The following MALRD1 variants were observed in gnomAD, a reference collection of about 807,000 sequenced individuals.
The protein encoded by MALRD1 is MAM and LDL-receptor class A domain-containing protein 1.
Under a neutral mutation model 242.1 loss-of-function variants are expected in MALRD1, and 247 were observed. That is an observed-to-expected ratio of 1.02 (90% CI 0.92 to 1.13). The LOEUF (loss-of-function observed/expected upper bound fraction) is 1.13, where lower values mean the gene tolerates loss of function less well. MALRD1 is among the 50% of genes most tolerant of loss of function. The pLI, the probability that MALRD1 is intolerant of heterozygous loss-of-function variation, is 0.00. For missense variants in MALRD1, 2,989 were observed against 2,533.1 expected, an observed-to-expected ratio of 1.18 and a Z score of -3.86; for synonymous variants, 995 against 866.6, an observed-to-expected ratio of 1.15 and a Z score of -2.60.
chr10:19,534,117 T>G (rs1430416932), intron 32 of MALRD1, among the ~76,000 whole-genome samples: 1 of 152,140 alleles, frequency 6.6e-6, no homozygotes, highest in Non-Finnish European at 1.5e-5. Context: ...GTTTAAACCC[T>G]CAATCCCAGT....
At chr10:19,312,836 G>T (rs1427646095) in intron 21 of MALRD1, among the ~76,000 whole-genome samples, 1 of 151,494 alleles carries the variant, frequency 6.6e-6, no homozygotes, top group Non-Finnish European at 1.5e-5. Context: ...TCTGGGAAAT[G>T]CTACTGCAGG....
At chr10:19,492,925 A>G (rs997651733) in intron 30 of MALRD1, among the ~76,000 whole-genome samples, 3 of 152,282 alleles carry the variant, frequency 2.0e-5, no homozygotes, top group African/African-American at 7.2e-5. Flanking sequence ...AGGATCTTAT[A>G]CTGATGCTTC....
intron 28 of MALRD1, among the ~76,000 whole-genome samples, chr10:19,439,874 C>T (rs138166982): frequency 1.4e-3 from 213 of 152,316 alleles, no homozygotes; most frequent in Non-Finnish European, 2.6e-3. Flanking sequence ...TGGTCGTATA[C>T]ATTTTATAAT....
At chr10:19,072,431 A>G (rs977922114) in intron 2 of MALRD1, among the ~76,000 whole-genome samples, 15 of 152,174 alleles carry the variant, frequency 9.9e-5, no homozygotes, top group Non-Finnish European at 1.9e-4. Context: ...ATGTTTAAAA[A>G]TATTTATTTT....
intron 38 of MALRD1, among the ~76,000 whole-genome samples, chr10:19,701,857 C>G (rs1464207652): frequency 1.3e-5 from 2 of 150,908 alleles, no homozygotes; most frequent in African/African-American, 2.4e-5. Flanking sequence ...TCCCTTCTCT[C>G]TCTTCTTCCT....
chr10:19,707,050 TTCC>T (rs897719319), intron 38 of MALRD1, among the ~76,000 whole-genome samples: 2 of 149,514 alleles, frequency 1.3e-5, no homozygotes, highest in Non-Finnish European at 1.5e-5. Flanking sequence ...TTTCTTCTTC[TTCC>T]TCCTCCTCCT....
At chr10:19,588,024 C>A (rs187566407) in intron 33 of MALRD1, among the ~76,000 whole-genome samples, 149 of 151,518 alleles carry the variant, frequency 9.8e-4, no homozygotes, top group African/African-American at 3.0e-3. Context: ...ACATCATCTG[C>A]AAAAGTCCTT....
At chr10:19,395,433 G>A (rs1385750081) in intron 28 of MALRD1, among the ~76,000 whole-genome samples, 1 of 152,198 alleles carries the variant, frequency 6.6e-6, no homozygotes, top group African/African-American at 2.4e-5. Flanking sequence ...TGGGGAGAGG[G>A]CTTCCAGGTC....
chr10:19,238,841 A>T (rs1330921572), intron 18 of MALRD1, among the ~76,000 whole-genome samples: 1 of 151,396 alleles, frequency 6.6e-6, no homozygotes, highest in Non-Finnish European at 1.5e-5. Context: ...AATCCCATCA[A>T]CAGTGTGTAA....
intron 36 of MALRD1, among the ~76,000 whole-genome samples, chr10:19,659,872 G>A (rs1210982958): frequency 1.3e-5 from 2 of 152,004 alleles, no homozygotes; most frequent in African/African-American, 4.8e-5. Context: ...TCCTATCCAT[G>A]CTATTTTGTC....
At chr10:19,433,437 T>C (rs896185770) in intron 28 of MALRD1, among the ~76,000 whole-genome samples, 3 of 151,986 alleles carry the variant, frequency 2.0e-5, no homozygotes, top group Non-Finnish European at 2.9e-5. Flanking sequence ...TGACAGGAAA[T>C]GAAGTTGGGC....
At chr10:19,177,398 G>A (rs926844979) in intron 14 of MALRD1, among the ~76,000 whole-genome samples, 2 of 151,618 alleles carry the variant, frequency 1.3e-5, no homozygotes, top group Non-Finnish European at 2.9e-5. Flanking sequence ...AATCATAATA[G>A]CTGAAAAGCA....
intron 29 of MALRD1, among the ~76,000 whole-genome samples, chr10:19,461,397 A>T (rs1427428104): frequency 6.6e-6 from 1 of 152,204 alleles, no homozygotes; most frequent in Non-Finnish European, 1.5e-5. Flanking sequence ...TAGTCTTTGT[A>T]CATTCTAATG....
At chr10:19,481,833 A>G (rs570553975) in intron 29 of MALRD1, among the ~76,000 whole-genome samples, 1 of 152,136 alleles carries the variant, frequency 6.6e-6, no homozygotes. Context: ...TTAACACGCC[A>G]GTACAAGCTG....
At chr10:19,290,121 T>G (rs1029031087) in intron 21 of MALRD1, 5 of 152,288 alleles carry the variant, frequency 3.3e-5, no homozygotes, top group Admixed American at 3.3e-4. Flanking sequence ...AAAATGCATA[T>G]TTTTTACCAT....
intron 30 of MALRD1, among the ~76,000 whole-genome samples, chr10:19,495,592 C>T (rs1291241925): frequency 6.6e-6 from 1 of 152,084 alleles, no homozygotes; most frequent in East Asian, 1.9e-4. Flanking sequence ...AAAAGAGCTT[C>T]TGAAGACCAT....
intron 32 of MALRD1, among the ~76,000 whole-genome samples, chr10:19,539,897 T>TGTGTGTGCGCGCGCGC (rs1365113182): frequency 2.3e-5 from 1 of 44,418 alleles, no homozygotes; most frequent in East Asian, 7.8e-4. Context: ...TGTGTGTGTG[T>TGTGTGTGCGCGCGCGC]GCGCGCGCGC....
At chr10:19,617,558 A>G (rs1402223625) in intron 36 of MALRD1, among the ~76,000 whole-genome samples, 2 of 152,012 alleles carry the variant, frequency 1.3e-5, no homozygotes, top group Non-Finnish European at 2.9e-5. Flanking sequence ...CTTTAAAATT[A>G]CGTACTAAAA....
chr10:19,330,050 A>AT (rs1843298413), intron 23 of MALRD1, among the ~76,000 whole-genome samples: 1 of 152,058 alleles, frequency 6.6e-6, no homozygotes, highest in South Asian at 2.1e-4. Context: ...GCATATCAAT[A>AT]TTTTTCCATG....
Sources: allele counts gnomAD v4.1 joint callset (sites outside exome capture counted in the v4.1 genomes callset), GRCh38; gene constraint gnomAD v4.1.1; transcripts MANE v1.5; gene names NCBI Gene and HGNC (gene_info 2026-07-23, HGNC 2026-07-21).